PCDH9: variants seen among roughly 807,000 people sequenced by gnomAD.
PCDH9 encodes the protein protocadherin-9.
Under a neutral mutation model 70.6 loss-of-function variants are expected in PCDH9, and 24 were observed. That is an observed-to-expected ratio of 0.34 (90% confidence interval 0.25 to 0.48). The LOEUF (loss-of-function observed/expected upper bound fraction) is 0.48. Among genes scored for constraint, PCDH9 ranks in the 20% least tolerant of loss-of-function variants. The pLI, the probability that PCDH9 is intolerant of heterozygous loss-of-function variation, is 0.99. For synonymous variants in PCDH9, 562 were observed against 558.5 expected (o/e 1.01, Z -0.09); for missense variants, 1,281 against 1,503.6 (o/e 0.85, Z 2.45).
chr13:66,633,804 A>AT (rs1220110777), intron 3 of PCDH9, among the ~76,000 whole-genome samples: 32 of 152,170 alleles, frequency 2.1e-4, no homozygotes, highest in Admixed American at 5.2e-4. Context: ...CATCTGTGAG[A>AT]TTTTTTAACA....
chr13:66,737,532 C>A (rs1292198050), intron 3 of PCDH9, among the ~76,000 whole-genome samples: 2 of 152,178 alleles, frequency 1.3e-5, no homozygotes, highest in Non-Finnish European at 2.9e-5. Flanking sequence ...TCTACAGCTC[C>A]CAGCGTGAGC....
intron 3 of PCDH9, among the ~76,000 whole-genome samples, chr13:66,637,701 C>T (rs1202861046): frequency 1.3e-5 from 2 of 152,026 alleles, no homozygotes; most frequent in Non-Finnish European, 2.9e-5. Context: ...ATCACGAGGT[C>T]AGGATATCGA....
At chr13:66,865,669 G>A (rs1056134986) in intron 3 of PCDH9, among the ~76,000 whole-genome samples, 3 of 152,190 alleles carry the variant, frequency 2.0e-5, no homozygotes, top group Non-Finnish European at 2.9e-5. Flanking sequence ...TACAGGGAGG[G>A]ATGTGGGATG....
At chr13:67,066,171 C>T (rs1048801245) in intron 2 of PCDH9, among the ~76,000 whole-genome samples, 1 of 151,658 alleles carries the variant, frequency 6.6e-6, no homozygotes, top group Non-Finnish European at 1.5e-5. Flanking sequence ...TATATTTGTG[C>T]ATGTTTAGCC....
chr13:67,219,634 T>G (rs912408395), intron 2 of PCDH9: 1 of 152,030 alleles, frequency 6.6e-6, no homozygotes, highest in African/African-American at 2.4e-5. Flanking sequence ...TTTTCACTAA[T>G]ACCTGGCCTG....
intron 4 of PCDH9, among the ~76,000 whole-genome samples, chr13:66,594,290 A>C (rs2077074856): frequency 6.6e-6 from 1 of 151,736 alleles, no homozygotes; most frequent in Non-Finnish European, 1.5e-5. Context: ...GAAAACCTCC[A>C]GCCATGGCCC....
rs190273162 is a variant in PCDH9, at chr13:66,798,910, G to C, written c.3138+104594C>G. 3.9e-5 allele frequency among the ~76,000 whole-genome samples: 6 copies of C among 152,156 alleles called. No homozygotes were observed. In the East Asian group the frequency reaches 9.7e-4, roughly 25 times the overall value. ...TGCTAATTGCAACATTTGCCTCCTG[G>C]GTTCAAGAATTCTCATGCCTCAACA... On this transcript the variant is annotated intron_variant, in intron 3 of 4. Coordinates refer to ENST00000377865, the MANE Select transcript of PCDH9 (RefSeq NM_203487.3).
At chr13:67,159,766 G>C (rs943345837) in intron 2 of PCDH9, among the ~76,000 whole-genome samples, 2 of 151,930 alleles carry the variant, frequency 1.3e-5, no homozygotes, top group Admixed American at 1.3e-4. Flanking sequence ...ATTCATTCAG[G>C]GAAAAGAACA....
intron 2 of PCDH9, among the ~76,000 whole-genome samples, chr13:67,091,874 C>T (rs1477840172): frequency 2.6e-5 from 4 of 152,028 alleles, no homozygotes; most frequent in Admixed American, 2.6e-4. Context: ...GTACTTTTAT[C>T]CCCAGTGAAT....
chr13:66,659,705 G>A (rs1250714498), intron 3 of PCDH9, among the ~76,000 whole-genome samples: 1 of 151,648 alleles, frequency 6.6e-6, no homozygotes, highest in African/African-American at 2.4e-5. Context: ...GCTTCTGCCT[G>A]CTCAGCCTCC....
chr13:66,882,919 A>G (rs1163261455), intron 3 of PCDH9, among the ~76,000 whole-genome samples: 1 of 152,194 alleles, frequency 6.6e-6, no homozygotes, highest in East Asian at 1.9e-4. Context: ...CTTCCTTTTT[A>G]TGATGTCACA....
At chr13:66,791,729 G>GA (rs1302590278) in intron 3 of PCDH9, among the ~76,000 whole-genome samples, 6 of 151,930 alleles carry the variant, frequency 3.9e-5, no homozygotes, top group Non-Finnish European at 8.8e-5. Flanking sequence ...ACTTTCAATG[G>GA]AAAAAATCGC....
intron 4 of PCDH9, among the ~76,000 whole-genome samples, chr13:66,477,570 C>T: frequency 6.6e-6 from 1 of 152,062 alleles, no homozygotes; most frequent in East Asian, 1.9e-4. Context: ...AATTGCTTTG[C>T]CTCTCTGTGG....
rs1166184639 is a variant in PCDH9 at position 66,918,085 on chromosome 13, T to C, written c.3037-14480A>G. Among the ~76,000 whole-genome samples the C allele has an allele frequency of 3.3e-5, 5 of 151,158 alleles. No homozygotes were observed. In the East Asian group the frequency reaches 9.7e-4, roughly 29 times the overall value. Reference sequence around the variant, plus strand: ...TAAGAGGAAATGAAGAGGGTCTCAGTTGGTGATTGAGATGGAAATTGAGGG... The same window carrying C: ...TAAGAGGAAATGAAGAGGGTCTCAGCTGGTGATTGAGATGGAAATTGAGGG... On this transcript the variant is annotated intron_variant, in intron 2 of 4. Coordinates refer to ENST00000377865, the MANE Select transcript of PCDH9 (RefSeq NM_203487.3).
chr13:67,182,225 G>A (rs561788629), intron 2 of PCDH9, among the ~76,000 whole-genome samples: 58 of 152,150 alleles, frequency 3.8e-4, no homozygotes, highest in Non-Finnish European at 4.4e-4. Context: ...TAATCATCCT[G>A]CCTAAAACAG....
rs779035670 is a variant in PCDH9 at position 67,226,597 on chromosome 13, T to C, written c.1844A>G (p.Asn615Ser). ...ATAGGGATCCAACACAAAATTATCA[T>C]TGTCATTTAGAATGGAAAGAGTCAC... ...KAVTLSILNDNDNFVLDPYSG... is the reference protein window; with the variant it reads ...KAVTLSILNDSDNFVLDPYSG... Residue 615 changes from asparagine to serine, a missense_variant, in exon 2 of 5, where the codon AAT becomes AGT. Around this residue, in one of 4 missense-constraint regions of PCDH9, gnomAD observed 798 missense variants for 1,003.1 expected, o/e 0.80. Transcript: ENST00000377865. This position sits in a 1 kb window ranked among gnomAD's most constrained non-coding sequence, Gnocchi z 5.0. 1.5e-5 allele frequency: 25 copies of C among 1,613,898 alleles called. No individual in the cohort carries two copies. The East Asian group carries it at 4.0e-4, about 26-fold the overall frequency.
Position 66,750,952 on chromosome 13 carries a change from A to G in PCDH9, c.3139-119541T>C, listed in dbSNP as rs945531266. Among the ~76,000 whole-genome samples the G allele has an allele frequency of 1.4e-4, 21 of 152,308 alleles. No homozygotes were observed. The East Asian group carries it at 1.9e-3, about 14-fold the overall frequency. On this transcript the variant is annotated intron_variant, in intron 3 of 4. Coordinates refer to ENST00000377865, the MANE Select transcript of PCDH9 (RefSeq NM_203487.3). ...AAGACTTAGTGAGTACAGCACATTAATGAAGTTGGATTTCTAAGACATGAA... is the reference window on the plus strand; with the variant it reads ...AAGACTTAGTGAGTACAGCACATTAGTGAAGTTGGATTTCTAAGACATGAA...
chr13:66,481,942 G>GCACACA (rs10611896), intron 4 of PCDH9, among the ~76,000 whole-genome samples: 18 of 148,616 alleles, frequency 1.2e-4, no homozygotes, highest in African/African-American at 3.7e-4. Flanking sequence ...ACACATGCAC[G>GCACACA]CACACACACA....
In PCDH9 at chr13:66,585,721, G is replaced by T. The variant is rs79931199; in HGVS notation, c.3340+45489C>A. On this transcript the variant is annotated intron_variant, in intron 4 of 4. Transcript: ENST00000377865. ...ATTCTGTCAGAGAACCTCAGGAGTG[G>T]CCTGTGATGACACTGGTCTTTTTCT... 6.4e-3 allele frequency among the ~76,000 whole-genome samples: 973 copies of T among 152,202 alleles called. 12 individuals are homozygous for T. Among genetic ancestry groups the T allele is most frequent in the African/African-American group, 0.022 (907 of 41,540 alleles).
Sources: allele counts gnomAD v4.1 joint callset (sites outside exome capture counted in the v4.1 genomes callset), GRCh38; gene constraint gnomAD v4.1.1; regional missense constraint gnomAD v4.1.1; non-coding constraint Gnocchi (gnomAD v3.1); transcripts MANE v1.5; gene names NCBI Gene and HGNC (gene_info 2026-07-23, HGNC 2026-07-21).